Variants in SLC27A2 observed in about 807,000 individuals in gnomAD.
The protein encoded by SLC27A2 is solute carrier family 27 member 2.
A neutral mutation model predicts 60.0 loss-of-function variants in SLC27A2; 54 were observed. The observed-to-expected ratio is 0.90, with a 90% CI of 0.72 to 1.13. The LOEUF (loss-of-function observed/expected upper bound fraction) is 1.13, where lower values mean the gene tolerates loss of function less well. Ranked by LOEUF, SLC27A2 falls within the 50% of genes most tolerant of loss-of-function variation. The pLI is 0.00. For synonymous variants in SLC27A2, 297 were observed against 297.6 expected (o/e 1.00, Z 0.02); for missense variants, 739 against 777.6 (o/e 0.95, Z 0.59).
At chr15:50,219,725 G>A (rs915951435) in intron 4 of SLC27A2, among the ~76,000 whole-genome samples, 1 of 152,120 alleles carries the variant, frequency 6.6e-6, no homozygotes, top group Non-Finnish European at 1.5e-5. Flanking sequence ...TCAACTGCCT[G>A]ACCCACAGAA....
intron 3 of SLC27A2, among the ~76,000 whole-genome samples, chr15:50,203,287 A>G (rs2045080814): frequency 6.6e-6 from 1 of 152,068 alleles, no homozygotes; most frequent in African/African-American, 2.4e-5. Context: ...TCAGCTTTAA[A>G]CTTCTGCAGT....
chr15:50,201,752 T>C (rs2045065779), intron 2 of SLC27A2, among the ~76,000 whole-genome samples: 1 of 152,050 alleles, frequency 6.6e-6, no homozygotes, highest in Non-Finnish European at 1.5e-5. Context: ...AGACGGGGTT[T>C]CACCATGTTA....
chr15:50,198,992 T>A (rs2045044577), intron 2 of SLC27A2, among the ~76,000 whole-genome samples: 1 of 151,756 alleles, frequency 6.6e-6, no homozygotes, highest in Non-Finnish European at 1.5e-5. Context: ...AAGCCAGGAA[T>A]GACATATTAA....
At chr15:50,185,509 T>G (rs75447600) in intron 1 of SLC27A2, among the ~76,000 whole-genome samples, 1,693 of 152,138 alleles carry the variant, frequency 0.011, 17 homozygotes, top group Non-Finnish European at 0.02. Context: ...GGAAGGGACC[T>G]TAGAGATATT....
intron 1 of SLC27A2, among the ~76,000 whole-genome samples, chr15:50,188,982 A>ATAAATAGATAG (rs2044949466): frequency 2.6e-4 from 35 of 135,528 alleles, no homozygotes; most frequent in African/African-American, 9.9e-4. Flanking sequence ...TAGATAGATA[A>ATAAATAGATAG]ATAGATAGAT....
intron 4 of SLC27A2, among the ~76,000 whole-genome samples, chr15:50,214,939 A>G (rs2045184066): frequency 6.6e-6 from 1 of 152,176 alleles, no homozygotes; most frequent in Non-Finnish European, 1.5e-5. Flanking sequence ...ACTCCTCTTT[A>G]ACATAGTACT....
chr15:50,228,495 A>AT (rs66577513), intron 7 of SLC27A2, among the ~76,000 whole-genome samples: 44 of 148,752 alleles, frequency 3.0e-4, no homozygotes, highest in African/African-American at 7.2e-4. Context: ...CTAAAGTGTG[A>AT]TTTTTTTTTT....
chr15:50,200,751 A>T (rs2045057545), intron 2 of SLC27A2, among the ~76,000 whole-genome samples: 1 of 151,004 alleles, frequency 6.6e-6, no homozygotes, highest in East Asian at 1.9e-4. Flanking sequence ...TACAGAAGAA[A>T]ATCTTACAAA....
At chr15:50,222,610 A>G (rs1275014112) in intron 4 of SLC27A2, among the ~76,000 whole-genome samples, 2 of 152,192 alleles carry the variant, frequency 1.3e-5, no homozygotes, top group East Asian at 1.9e-4. Context: ...TGAACATATT[A>G]TACACATTAT....
chr15:50,188,974 G>GATAGATAA (rs142673057), intron 1 of SLC27A2, among the ~76,000 whole-genome samples: 106 of 121,782 alleles, frequency 8.7e-4, no homozygotes, highest in African/African-American at 3.0e-3. Flanking sequence ...TAGATAGATA[G>GATAGATAA]ATAGATAAAT....
chr15:50,223,261 C>A, intron 5 of SLC27A2, 102 bp downstream of exon 5: 1 of 818,868 alleles, frequency 1.2e-6, no homozygotes, highest in Non-Finnish European at 1.9e-6. Flanking sequence ...CAGGCAGCAT[C>A]AGAGCCATGG....
chr15:50,227,167 A>G lies in SLC27A2; in HGVS notation c.1446A>G (p.Gly482=). ...TCATCTATTTCCACGACAGAGTTGGAGATACATTCCGGTTGGTTTTTCTGA... is the reference window on the plus strand; with the variant it reads ...TCATCTATTTCCACGACAGAGTTGGGGATACATTCCGGTTGGTTTTTCTGA... ...ENFIYFHDRV[G]DTFRWKGENV... Residue 482 remains glycine (G), a synonymous_variant, in exon 7 of 10, where the codon GGA becomes GGG. Transcript: ENST00000267842. The G allele has an allele frequency of 6.2e-7, 1 of 1,613,798 alleles. No individual in the cohort carries two copies. The highest frequency in any genetic ancestry group is 8.5e-7 in the Non-Finnish European group (1 of 1,179,796).
At chr15:50,193,900 T>C (rs2044993630) in intron 1 of SLC27A2, among the ~76,000 whole-genome samples, 1 of 152,196 alleles carries the variant, frequency 6.6e-6, no homozygotes, top group Admixed American at 6.5e-5. Context: ...GGCTCACACC[T>C]GTAATCCCAG....
At chr15:50,215,596 G>T (rs1345481580) in intron 4 of SLC27A2, among the ~76,000 whole-genome samples, 1 of 152,100 alleles carries the variant, frequency 6.6e-6, no homozygotes, top group Non-Finnish European at 1.5e-5. Context: ...AAAACAGCAT[G>T]GTACTGGTAT....
intron 1 of SLC27A2, among the ~76,000 whole-genome samples, chr15:50,186,424 GTTGT>G (rs144371898): frequency 3.1e-4 from 47 of 150,764 alleles, no homozygotes; most frequent in Admixed American, 5.3e-4. Context: ...GTTTTTCATT[GTTGT>G]TTGTTTGTTT....
intron 5 of SLC27A2, among the ~76,000 whole-genome samples, chr15:50,223,548 T>A (rs1239295314): frequency 1.3e-5 from 2 of 152,148 alleles, no homozygotes; most frequent in Admixed American, 1.3e-4. Flanking sequence ...GTTTTTTTTA[T>A]ATGCACAGAT....
intron 7 of SLC27A2, 128 bp downstream of exon 7, chr15:50,227,306 C>T (rs2045285781): frequency 2.9e-6 from 2 of 693,608 alleles, no homozygotes; most frequent in South Asian, 1.8e-5. Context: ...AGGTCAAACT[C>T]CTGTGTTCCC....
Position 50,202,651 on chromosome 15 carries a change from C to T in SLC27A2, c.847+6C>T, listed in dbSNP as rs1163504470. On this transcript the variant is annotated splice_donor_region_variant and intron_variant, in intron 3 of 9. Transcript: ENST00000267842. ...TCACGGATGTATTGTGGCTGGTAAG[C>T]TTTTTCTACAAAATGTTGGAGGCGA... is the stretch of plus-strand genomic sequence containing the variant. 1.2e-6 allele frequency: 2 copies of T among 1,610,520 alleles called. No homozygotes were observed. Among genetic ancestry groups the T allele is most frequent in the South Asian group, 1.1e-5 (1 of 90,960 alleles).
intron 4 of SLC27A2, among the ~76,000 whole-genome samples, chr15:50,221,032 C>A (rs1039523523): frequency 4.6e-5 from 7 of 152,012 alleles, no homozygotes; most frequent in African/African-American, 1.7e-4. Context: ...GTGAGAACTT[C>A]ATCTCTACAA....
Sources: gnomAD v4.1 joint callset for allele counts (sites outside exome capture counted in the v4.1 genomes callset) on GRCh38, gnomAD v4.1.1 for gene constraint, MANE v1.5 for transcripts, NCBI Gene and HGNC (gene_info 2026-07-23, HGNC 2026-07-21) for gene names.